The following HTD2 variants were observed in gnomAD, a reference collection of about 807,000 sequenced individuals.
HTD2 encodes hydroxyacyl-thioester dehydratase type 2.
Under a neutral mutation model 3.1 loss-of-function variants are expected in HTD2, and 1 was observed. That is an observed-to-expected ratio of 0.32 (90% CI 0.11 to 1.52). The LOEUF (loss-of-function observed/expected upper bound fraction) is 1.52, where lower values mean the gene tolerates loss of function less well. Among genes scored for constraint, HTD2 ranks in the 40% most tolerant of loss-of-function variants. The pLI is 0.39. For missense variants in HTD2, 150 were observed against 79.6 expected (o/e 1.88, Z -3.36); for synonymous variants, 50 against 28.9 (o/e 1.73, Z -2.34).
At chr3:58,310,343 C>T (rs769408678) in intron 1 of HTD2, 164 bp from the exon 2 acceptor site, 9 of 1,614,190 alleles carry the variant, frequency 5.6e-6, no homozygotes, top group Admixed American at 3.3e-5. Context: ...CCTGCCCCTG[C>T]TGCCACATAT....
intron 2 of HTD2, among the ~76,000 whole-genome samples, chr3:58,311,468 A>G (rs894785162): frequency 1.3e-5 from 2 of 152,126 alleles, no homozygotes; most frequent in African/African-American, 4.8e-5. Flanking sequence ...CTGCTTTTTT[A>G]GCTCTCACAT....
intron 2 of HTD2, among the ~76,000 whole-genome samples, chr3:58,311,998 G>A (rs1199166670): frequency 1.3e-5 from 2 of 152,030 alleles, no homozygotes; most frequent in Admixed American, 6.6e-5. Flanking sequence ...TCAGTATCCC[G>A]AGTAGCTGGG....
In HTD2 at chr3:58,319,678, G is replaced by A. The variant is rs1286927204; in HGVS notation, c.*1558G>A. On this transcript the variant is annotated 3_prime_UTR_variant, in exon 5 of 5. Transcript: ENST00000461393. The stretch of plus-strand genomic sequence containing the variant: ...AAATAAATATTAAGAAGATTATGGA[G>A]GCCAAATTCTTAAGACTTTGGGGGC... 3.9e-5 allele frequency: 6 copies of A among 151,982 alleles called. No individual in the cohort carries two copies. Among genetic ancestry groups the A allele is most frequent in the Non-Finnish European group, 8.8e-5 (6 of 68,016 alleles). The allele number at this position is 151,982 out of a possible 1,614,324, so 9.4% of individuals were successfully genotyped here. A position where few individuals can be genotyped will look rare whatever the true frequency, so the allele number is the denominator to read the frequency against.
chr3:58,314,675 ATTTTTTT>A (rs751757663), intron 2 of HTD2, among the ~76,000 whole-genome samples: 9 of 90,558 alleles, frequency 9.9e-5, no homozygotes, highest in South Asian at 9.1e-4. Flanking sequence ...GTTTGGCAGT[ATTTTTTT>A]TTTTTTTTTT....
At chr3:58,308,230 C>G (rs1308409522) in intron 1 of HTD2, among the ~76,000 whole-genome samples, 1 of 152,108 alleles carries the variant, frequency 6.6e-6, no homozygotes, top group East Asian at 1.9e-4. Context: ...GCCTATACCA[C>G]TATCACTTTT....
Position 58,317,743 on chromosome 3 carries a change from C to T in HTD2, c.130C>T (p.Leu44Phe). 2 of 703,396 alleles carry T rather than the reference C, an allele frequency of 2.8e-6. No homozygotes were observed. Among genetic ancestry groups the T allele is most frequent in the South Asian group, 1.5e-5 (1 of 67,612 alleles). 43.6% of individuals were successfully genotyped at this position (703,396 alleles called of 1,614,324 possible). Reference protein sequence around the residue: ...MHIKVGDRAELRRAFTQTDVA... With the variant: ...MHIKVGDRAEFRRAFTQTDVA... ...CATCAAAGTTGGAGACCGCGCTGAA[C>T]TTAGGAGGGCCTTCACACAGACTGA... is the stretch of plus-strand genomic sequence containing the variant. The change falls in exon 5 of 5, where the codon CTT (leucine) becomes TTT (phenylalanine). Residue 44 changes from leucine to phenylalanine, a missense_variant. By Grantham distance (22) the Leu-to-Phe change is conservative (BLOSUM62 0). Transcript: ENST00000461393.
chr3:58,317,595 A>T lies in HTD2; in HGVS notation c.-19A>T. The T allele has an allele frequency of 2.4e-6, 2 of 850,988 alleles. No individual in the cohort carries two copies. Among genetic ancestry groups the T allele is most frequent in the Non-Finnish European group, 3.9e-6 (2 of 510,832 alleles). The allele number at this position is 850,988 out of a possible 1,614,324, so 52.7% of individuals were successfully genotyped here. A position where few individuals can be genotyped will look rare whatever the true frequency, so the allele number is the denominator to read the frequency against. On this transcript the variant is annotated 5_prime_UTR_variant, in exon 5 of 5. The change creates a premature stop within an existing upstream ORF in the 5' untranslated region. Transcript: ENST00000461393. The stretch of plus-strand genomic sequence containing the variant: ...TGAAGCAGGCTAAAAGCTCTTGATG[A>T]AATTTGAGGGTGCTGAAGATGTTCC...
rs1357595651 is a variant in HTD2, at chr3:58,312,332, G to A, written c.-331+1741G>A. Among the ~76,000 whole-genome samples, 10 of 85,326 alleles carry A rather than the reference G, an allele frequency of 1.2e-4. 2 individuals are homozygous for A. Among genetic ancestry groups the A allele is most frequent in the Non-Finnish European group, 1.7e-4 (7 of 42,256 alleles). 56.0% of individuals were successfully genotyped at this position (85,326 alleles called of 152,430 possible). On this transcript the variant is annotated intron_variant, in intron 2 of 4. Transcript: ENST00000461393. ...GCTGGAGTGCAGTGGCACAACCTCCGCACCCCCCCCCGCCCCTCCCGGATT... is the reference window on the plus strand; with the variant it reads ...GCTGGAGTGCAGTGGCACAACCTCCACACCCCCCCCCGCCCCTCCCGGATT...
intron 1 of HTD2, among the ~76,000 whole-genome samples, chr3:58,309,113 A>C (rs2097479085): frequency 6.6e-6 from 1 of 152,260 alleles, no homozygotes; most frequent in Non-Finnish European, 1.5e-5. Flanking sequence ...GAGCAGGCAG[A>C]CACAGGATGG....
chr3:58,310,423 A>G (rs1170819558), intron 1 of HTD2, 84 bp from the exon 2 acceptor site: 5 of 1,612,706 alleles, frequency 3.1e-6, no homozygotes, highest in Non-Finnish European at 3.4e-6. Flanking sequence ...TTAGTTTCCT[A>G]AGTTCTATTT....
intron 2 of HTD2, among the ~76,000 whole-genome samples, chr3:58,312,557 G>A (rs928157454): frequency 6.6e-6 from 1 of 152,152 alleles, no homozygotes; most frequent in African/African-American, 2.4e-5. Flanking sequence ...TTAGACAAAT[G>A]ATTGTTGTAG....
chr3:58,313,361 CCA>C (rs2097484561), intron 2 of HTD2, among the ~76,000 whole-genome samples: 2 of 152,212 alleles, frequency 1.3e-5, no homozygotes, highest in South Asian at 4.1e-4. Context: ...TTGTCATAGA[CCA>C]GCATTTTAAG....
Position 58,317,702 on chromosome 3 carries a change from ACTTT to A in HTD2, c.91_94del (p.Phe31SerfsTer28), listed in dbSNP as rs1298406455. ...AACCTGCCAGTGCTGACCCTGCAGC[ACTTT>A]CAGCATATGCACATCAAAGTTGGAG... On this transcript the variant is annotated frameshift_variant, in exon 5 of 5. Transcript: ENST00000461393. LOFTEE classifies it high-confidence loss of function. The A allele has an allele frequency of 7.1e-6, 5 of 704,244 alleles. No homozygotes were observed. In the Admixed American group the frequency reaches 1.0e-4, roughly 14 times the overall value. 43.6% of individuals were successfully genotyped at this position (704,244 alleles called of 1,614,324 possible).
At chr3:58,313,198 G>T (rs1434877173) in intron 2 of HTD2, among the ~76,000 whole-genome samples, 1 of 152,010 alleles carries the variant, frequency 6.6e-6, no homozygotes, top group African/African-American at 2.4e-5. Context: ...GGTGGAGCTT[G>T]CAGTGAGCCG....
rs148351280 is a variant in HTD2 at position 58,311,494 on chromosome 3, C to G, written c.-331+903C>G. 8.2e-3 allele frequency among the ~76,000 whole-genome samples: 1,250 copies of G among 152,262 alleles called. 16 individuals are homozygous for G. The highest frequency in any genetic ancestry group is 0.028 in the African/African-American group (1,165 of 41,544). On this transcript the variant is annotated intron_variant, in intron 2 of 4. Coordinates refer to ENST00000461393, the MANE Select transcript of HTD2 (RefSeq NM_001348712.2). ...GCTCTCACATATGAGTGAGAACATG[C>G]AACAGTTGTCTTTCTGTGCCTGGCT...
intron 2 of HTD2, among the ~76,000 whole-genome samples, chr3:58,313,900 C>T (rs772891863): frequency 3.3e-5 from 5 of 151,820 alleles, no homozygotes; most frequent in Non-Finnish European, 7.4e-5. Flanking sequence ...ATATAAATGA[C>T]ATTTGGCCTG....
intron 1 of HTD2, among the ~76,000 whole-genome samples, chr3:58,309,315 G>A (rs1370012934): frequency 1.3e-5 from 2 of 152,192 alleles, no homozygotes; most frequent in African/African-American, 2.4e-5. Flanking sequence ...CCCTTGGGCA[G>A]ATGTTACCTA....
At position 58,310,531 on chromosome 3, in the gene HTD2, A is replaced by T; in HGVS notation, c.-391A>T. On this transcript the variant is annotated 5_prime_UTR_variant, in exon 2 of 5. Transcript: ENST00000461393. ...GAGAATTTCAAGATTGTGGAGTTGG[A>T]CTGAATGCTGCACAGTTCAAACAGC... 1 of 1,611,420 alleles carries T rather than the reference A, an allele frequency of 6.2e-7. No individual in the cohort carries two copies. Among genetic ancestry groups the T allele is most frequent in the Non-Finnish European group, 8.5e-7 (1 of 1,179,388 alleles).
intron 2 of HTD2, among the ~76,000 whole-genome samples, chr3:58,312,230 G>A (rs528509086): frequency 6.6e-6 from 1 of 152,160 alleles, no homozygotes; most frequent in East Asian, 1.9e-4. Context: ...AGTAGTGTGT[G>A]AGGGTTCCCC....
Sources: gnomAD v4.1 joint callset for allele counts (sites outside exome capture counted in the v4.1 genomes callset) on GRCh38, gnomAD v4.1.1 for gene constraint, MANE v1.5 for transcripts, NCBI Gene and HGNC (gene_info 2026-07-23, HGNC 2026-07-21) for gene names.